Variants in SLC25A19 observed in about 807,000 individuals in gnomAD.
The protein encoded by SLC25A19 is solute carrier family 25 member 19, also known as mitochondrial thiamine pyrophosphate carrier.
SLC25A19 carries 18 observed loss-of-function variants against 27.9 expected under a neutral mutation model. That is an observed-to-expected ratio of 0.64 (90% CI 0.45 to 0.96). The LOEUF (loss-of-function observed/expected upper bound fraction) is 0.96. Among genes scored for constraint, SLC25A19 ranks in the 40% least tolerant of loss-of-function variants. The pLI is 0.00. For synonymous variants in SLC25A19, 169 were observed against 167.1 expected (o/e 1.01, Z -0.09); for missense variants, 371 against 418.3 (o/e 0.89, Z 0.99).
In SLC25A19 at chr17:75,276,886, T is replaced by G. The variant is rs376589013; in HGVS notation, c.774+467A>C. Reference sequence around the variant, plus strand: ...TTTTAGTAGAGATGGGCTTTCACCGTGTTATCCAGGATGGTCTCGATCTCC... The same window carrying G: ...TTTTAGTAGAGATGGGCTTTCACCGGGTTATCCAGGATGGTCTCGATCTCC... On this transcript the variant is annotated intron_variant, in intron 7 of 7. Transcript: ENST00000416858. Among the ~76,000 whole-genome samples the G allele has an allele frequency of 2.1e-4, 31 of 149,444 alleles. No individual in the cohort carries two copies. In the East Asian group the frequency reaches 4.3e-3, roughly 21 times the overall value.
chr17:75,287,964 T>G (rs529121332), intron 2 of SLC25A19, among the ~76,000 whole-genome samples: 1 of 151,960 alleles, frequency 6.6e-6, no homozygotes, highest in African/African-American at 2.4e-5. Context: ...GCCAACATGG[T>G]GAAACCCTGT....
intron 5 of SLC25A19, among the ~76,000 whole-genome samples, chr17:75,280,218 A>G (rs553210447): frequency 2.6e-5 from 4 of 152,108 alleles, no homozygotes; most frequent in Admixed American, 2.6e-4. Context: ...AAAAAATACA[A>G]AAATTAGCCA....
At chr17:75,276,529 A>G (rs762368593) in intron 7 of SLC25A19, among the ~76,000 whole-genome samples, 4,635 of 136,828 alleles carry the variant, frequency 0.034, 190 homozygotes, top group Middle Eastern at 0.086. Flanking sequence ...CACCATACCC[A>G]GCTAATTTTT....
At chr17:75,279,749 C>T (rs1354901529) in intron 5 of SLC25A19, among the ~76,000 whole-genome samples, 3 of 152,088 alleles carry the variant, frequency 2.0e-5, no homozygotes, top group Non-Finnish European at 2.9e-5. Flanking sequence ...CCTTGTGATC[C>T]GCCCGCCTTG....
intron 7 of SLC25A19, 168 bp from the exon 8 acceptor site, chr17:75,273,807 C>T: frequency 9.1e-6 from 6 of 662,378 alleles, no homozygotes; most frequent in Non-Finnish European, 1.5e-5. Flanking sequence ...GTTGCCCAGG[C>T]TGGAATGCAG....
intron 2 of SLC25A19, among the ~76,000 whole-genome samples, chr17:75,287,864 C>T (rs570190301): frequency 1.6e-4 from 25 of 152,230 alleles, no homozygotes; most frequent in Admixed American, 2.6e-4. Flanking sequence ...ATGCTCCTGG[C>T]CAGGCACCGT....
chr17:75,288,640 T>C (rs2078237384), intron 1 of SLC25A19, 49 bp from the exon 2 acceptor site: 1 of 138,132 alleles, frequency 7.2e-6, no homozygotes, highest in African/African-American at 2.9e-5. Context: ...CTATACTGTT[T>C]GAATTTGTTA....
intron 7 of SLC25A19, among the ~76,000 whole-genome samples, chr17:75,274,973 C>CTTTTTTTTTTTTT (rs67040059): frequency 4.2e-5 from 2 of 47,174 alleles, no homozygotes; most frequent in Non-Finnish European, 7.3e-5. Context: ...GGATTTTGGT[C>CTTTTTTTTTTTTT]TTTTTTTTTT....
chr17:75,283,705 G>A (rs1391222978), intron 4 of SLC25A19, 112 bp from the exon 5 acceptor site: 84 of 979,522 alleles, frequency 8.6e-5, no homozygotes, highest in Non-Finnish European at 2.6e-5. Flanking sequence ...GAGGGGCGAG[G>A]AAAAGGTCAG....
chr17:75,279,201 A>T (rs2077974651), intron 5 of SLC25A19, among the ~76,000 whole-genome samples: 1 of 151,988 alleles, frequency 6.6e-6, no homozygotes, highest in Non-Finnish European at 1.5e-5. Flanking sequence ...TCAAAGAAAC[A>T]ACTATAAGTA....
intron 7 of SLC25A19, chr17:75,273,888 G>A (rs2077793192): frequency 2.3e-6 from 1 of 428,642 alleles, no homozygotes; most frequent in Non-Finnish European, 4.4e-6. Context: ...AGCCTCCTGA[G>A]TAGCTGGGAT....
chr17:75,278,118 G>A (rs865816147), intron 6 of SLC25A19, 34 bp downstream of exon 6: 2 of 1,609,764 alleles, frequency 1.2e-6, no homozygotes, highest in Non-Finnish European at 1.7e-6. Flanking sequence ...TGGCTGGGGT[G>A]GGAGGGCTCC....
chr17:75,286,167 G>A (rs773752071), intron 4 of SLC25A19, 137 bp downstream of exon 4: 10 of 1,060,878 alleles, frequency 9.4e-6, no homozygotes, highest in African/African-American at 1.5e-5. Context: ...GAAGGCTCCC[G>A]GGTGAGGCAG....
intron 5 of SLC25A19, among the ~76,000 whole-genome samples, chr17:75,282,954 C>T (rs771462166): frequency 6.6e-5 from 10 of 151,642 alleles, no homozygotes; most frequent in Non-Finnish European, 1.0e-4. Context: ...CGCACCACTG[C>T]ACTCCAGCCT....
intron 7 of SLC25A19, among the ~76,000 whole-genome samples, chr17:75,275,175 T>C (rs2077849336): frequency 6.6e-6 from 1 of 151,700 alleles, no homozygotes; most frequent in Admixed American, 6.6e-5. Flanking sequence ...TTTTATTTTG[T>C]AGAGACGGGG....
In SLC25A19 at chr17:75,279,177, A is replaced by G. The variant is rs550833564; in HGVS notation, c.460-842T>C. ...CCGGCCAAGCATGTTACTTAGAATT[A>G]TGGAAGGAAATAATCAAAGAAACAA... On this transcript the variant is annotated intron_variant, in intron 5 of 7. Coordinates refer to ENST00000416858, the MANE Select transcript of SLC25A19 (RefSeq NM_001126121.2). Among the ~76,000 whole-genome samples, 113 of 152,070 alleles carry G rather than the reference A, an allele frequency of 7.4e-4. 1 individual carries two copies. The South Asian group carries it at 0.023, about 31-fold the overall frequency.
chr17:75,287,194 G>C (rs2078204350), intron 2 of SLC25A19: 1 of 215,594 alleles, frequency 4.6e-6, no homozygotes, highest in African/African-American at 2.3e-5. Context: ...ACTCACCATA[G>C]CCTTGAACTC....
chr17:75,273,118 G>A lies in SLC25A19; in HGVS notation c.*333C>T. On this transcript the variant is annotated 3_prime_UTR_variant, in exon 8 of 8. Coordinates refer to ENST00000416858, the MANE Select transcript of SLC25A19 (RefSeq NM_001126121.2). ...CAGCAGCCCCATCCAGACCAGGAGT[G>A]TGTTCTGTTCTCCTGGCAGGCAGGG... 2.6e-6 allele frequency: 1 copy of A among 388,558 alleles called. No individual in the cohort carries two copies. The highest frequency in any genetic ancestry group is 2.3e-5 in the South Asian group (1 of 43,568). 24.1% of individuals were successfully genotyped at this position (388,558 alleles called of 1,614,324 possible).
At chr17:75,288,300 C>G (rs567499988) in intron 2 of SLC25A19, 2 of 152,318 alleles carry the variant, frequency 1.3e-5, no homozygotes, top group East Asian at 3.9e-4. Flanking sequence ...TCCTGGAAAA[C>G]TCGGGGAGCA....
Sources: gnomAD v4.1 joint callset for allele counts (sites outside exome capture counted in the v4.1 genomes callset) on GRCh38, gnomAD v4.1.1 for gene constraint, MANE v1.5 for transcripts, NCBI Gene and HGNC (gene_info 2026-07-23, HGNC 2026-07-21) for gene names.